Variants in CNTNAP2 observed in about 807,000 individuals in gnomAD.
CNTNAP2 encodes the protein contactin associated protein 2.
A neutral mutation model predicts 155.2 loss-of-function variants in CNTNAP2; 98 were observed. That is an observed-to-expected ratio of 0.63 (90% CI 0.54 to 0.75). The LOEUF is 0.75. Ranked by LOEUF, CNTNAP2 falls within the 30% of genes least tolerant of loss-of-function variation. The pLI is 0.00. For synonymous variants in CNTNAP2, 651 were observed against 631.2 expected, an observed-to-expected ratio of 1.03 and a Z score of -0.47; for missense variants, 1,727 against 1,688.1, an observed-to-expected ratio of 1.02 and a Z score of -0.40.
At chr7:146,918,722 A>G (rs932483911) in intron 3 of CNTNAP2, among the ~76,000 whole-genome samples, 1 of 152,214 alleles carries the variant, frequency 6.6e-6, no homozygotes, top group African/African-American at 2.4e-5. Context: ...TTGGATGTCT[A>G]GATCCCCAGC....
intron 13 of CNTNAP2, among the ~76,000 whole-genome samples, chr7:147,765,448 T>G (rs997625206): frequency 1.3e-4 from 20 of 152,104 alleles, no homozygotes; most frequent in African/African-American, 4.8e-4. Context: ...TATGAGAAAT[T>G]TAAAGGTAAC....
rs749749224 is a variant in CNTNAP2, at chr7:146,983,638, A to T, written c.403-60269A>T. Among the ~76,000 whole-genome samples, 22 of 152,198 alleles carry T rather than the reference A, an allele frequency of 1.4e-4. 1 individual carries two copies. The highest frequency in any genetic ancestry group is 3.2e-4 in the Non-Finnish European group (22 of 68,042). The stretch of plus-strand genomic sequence containing the variant: ...GAGTATGTATGGGTGTACCCATAGT[A>T]AGCATGAGGGCTTCCATTGTTTTTC... On this transcript the variant is annotated intron_variant, in intron 3 of 23. Coordinates refer to ENST00000361727, the MANE Select transcript of CNTNAP2 (RefSeq NM_014141.6).
At chr7:146,140,397 C>T (rs1023172228) in intron 1 of CNTNAP2, among the ~76,000 whole-genome samples, 6 of 152,074 alleles carry the variant, frequency 3.9e-5, no homozygotes, top group Admixed American at 6.6e-5. Flanking sequence ...TTTTGCCACA[C>T]GTGTCTGTCC....
intron 20 of CNTNAP2, among the ~76,000 whole-genome samples, chr7:148,251,124 C>T (rs1404836423): frequency 6.6e-6 from 1 of 152,206 alleles, no homozygotes; most frequent in African/African-American, 2.4e-5. Flanking sequence ...CACAGTCCTC[C>T]ACAAGACTGG....
At chr7:147,084,553 T>C (rs1049549507) in intron 4 of CNTNAP2, among the ~76,000 whole-genome samples, 6 of 145,346 alleles carry the variant, frequency 4.1e-5, no homozygotes, top group African/African-American at 1.5e-4. Context: ...TATAATAATA[T>C]AATAATATAT....
intron 1 of CNTNAP2, among the ~76,000 whole-genome samples, chr7:146,703,523 A>G (rs1375545723): frequency 2.6e-5 from 4 of 152,120 alleles, no homozygotes; most frequent in African/African-American, 9.7e-5. Context: ...CTATAACAAC[A>G]TATCATAAAC....
At chr7:147,015,052 G>T (rs1251198772) in intron 3 of CNTNAP2, among the ~76,000 whole-genome samples, 5 of 150,360 alleles carry the variant, frequency 3.3e-5, no homozygotes, top group African/African-American at 1.2e-4. Context: ...AACTTTAATT[G>T]TGCTCAATGA....
intron 2 of CNTNAP2, among the ~76,000 whole-genome samples, chr7:146,823,979 A>G (rs916029901): frequency 5.3e-5 from 8 of 151,978 alleles, no homozygotes; most frequent in Non-Finnish European, 1.0e-4. Flanking sequence ...TTAATATGTC[A>G]TCTGGGTTTT....
intron 18 of CNTNAP2, among the ~76,000 whole-genome samples, chr7:148,187,092 G>A (rs566943721): frequency 6.1e-4 from 90 of 147,690 alleles, no homozygotes; most frequent in African/African-American, 2.2e-3. Flanking sequence ...CTCTCTGTGC[G>A]GTTGAGCAAG....
chr7:147,096,268 A>T (rs1379110846), intron 4 of CNTNAP2, among the ~76,000 whole-genome samples: 1 of 152,222 alleles, frequency 6.6e-6, no homozygotes, highest in African/African-American at 2.4e-5. Context: ...TACAACTCCA[A>T]ATCAACTGGT....
At chr7:147,466,951 C>T (rs145598736) in intron 10 of CNTNAP2, among the ~76,000 whole-genome samples, 207 of 152,236 alleles carry the variant, frequency 1.4e-3, no homozygotes, top group African/African-American at 4.6e-3. Context: ...TTACTAATTA[C>T]ACACTTCTGC....
At chr7:146,928,508 C>A (rs546717047) in intron 3 of CNTNAP2, among the ~76,000 whole-genome samples, 2 of 152,138 alleles carry the variant, frequency 1.3e-5, no homozygotes, top group Admixed American at 1.3e-4. Context: ...GCATGAACGA[C>A]GCAGAAGACG....
At chr7:147,867,495 G>A (rs1343128184) in intron 13 of CNTNAP2, among the ~76,000 whole-genome samples, 3 of 152,218 alleles carry the variant, frequency 2.0e-5, no homozygotes, top group Middle Eastern at 6.8e-3. Flanking sequence ...ATGTTGACCT[G>A]CCTTGCTAGG....
At chr7:147,538,754 A>G (rs914467941) in intron 11 of CNTNAP2, among the ~76,000 whole-genome samples, 13 of 152,112 alleles carry the variant, frequency 8.5e-5, no homozygotes, top group African/African-American at 2.9e-4. Context: ...CTCAACTAAA[A>G]GGCCTGATAT....
intron 13 of CNTNAP2, among the ~76,000 whole-genome samples, chr7:147,763,279 A>G (rs901264045): frequency 3.9e-5 from 6 of 151,954 alleles, no homozygotes; most frequent in Non-Finnish European, 8.8e-5. Flanking sequence ...AAAGAAAAAA[A>G]AAAAGAATAA....
intron 8 of CNTNAP2, among the ~76,000 whole-genome samples, chr7:147,223,926 C>A (rs1318950428): frequency 2.9e-5 from 3 of 105,216 alleles, no homozygotes; most frequent in African/African-American, 1.1e-4. Flanking sequence ...GGCAATAGAG[C>A]AAGACTCAAT....
At chr7:146,379,831 G>A (rs978267837) in intron 1 of CNTNAP2, among the ~76,000 whole-genome samples, 3 of 152,080 alleles carry the variant, frequency 2.0e-5, no homozygotes, top group African/African-American at 4.8e-5. Context: ...TTTCAAAAGT[G>A]CAATGAGGAG....
At chr7:146,882,505 T>C (rs1795572777) in intron 3 of CNTNAP2, among the ~76,000 whole-genome samples, 2 of 151,502 alleles carry the variant, frequency 1.3e-5, no homozygotes, top group East Asian at 3.9e-4. Context: ...TAAAGGCCTT[T>C]CCCCCCTCTT....
chr7:147,408,345 A>G (rs2116482252), intron 10 of CNTNAP2, among the ~76,000 whole-genome samples: 1 of 152,342 alleles, frequency 6.6e-6, no homozygotes, highest in East Asian at 1.9e-4. Flanking sequence ...TGGAAAGTAC[A>G]TGGGTGTGAA....
Sources: gnomAD v4.1 joint callset for allele counts (sites outside exome capture counted in the v4.1 genomes callset) on GRCh38, gnomAD v4.1.1 for gene constraint, MANE v1.5 for transcripts, NCBI Gene and HGNC (gene_info 2026-07-23, HGNC 2026-07-21) for gene names.